The following MKLN1 variants were observed in gnomAD, a reference collection of about 807,000 sequenced individuals.
The protein encoded by MKLN1 is muskelin 1, also known as muskelin.
Under a neutral mutation model 99.0 loss-of-function variants are expected in MKLN1, and 18 were observed. The ratio of observed to expected loss-of-function variants is 0.18; its 90% CI spans 0.13 to 0.27. The LOEUF (loss-of-function observed/expected upper bound fraction) is 0.27. Ranked by LOEUF, MKLN1 falls within the 10% of genes least tolerant of loss-of-function variation. The probability of loss-of-function intolerance (pLI) is 1.00; values close to 1 mark genes in which losing one functional copy is unlikely to be tolerated. For missense variants in MKLN1, 621 were observed against 875.9 expected, an observed-to-expected ratio of 0.71 and a Z score of 3.67; for synonymous variants, 288 against 293.2, an observed-to-expected ratio of 0.98 and a Z score of 0.18.
rs1233098312 is a variant in MKLN1, at chr7:131,490,036, G to A, written c.*2308G>A. On this transcript the variant is annotated 3_prime_UTR_variant, in exon 18 of 18. Coordinates refer to ENST00000352689, the MANE Select transcript of MKLN1 (RefSeq NM_013255.5). ...AATCGGAGCACTGCTGGAAATGATT[G>A]CAGAGAATGTAGTGCTTCATATATC... is the stretch of plus-strand genomic sequence containing the variant. 1 of 152,564 alleles carries A rather than the reference G, an allele frequency of 6.6e-6. No homozygotes were observed. The highest frequency in any genetic ancestry group is 2.4e-5 in the African/African-American group (1 of 41,434). The allele number at this position is 152,564 out of a possible 1,614,324, so 9.5% of individuals were successfully genotyped here. A position where few individuals can be genotyped will look rare whatever the true frequency, so the allele number is the denominator to read the frequency against.
chr7:131,127,726 C>T (rs1039516751), intron 1 of MKLN1, among the ~76,000 whole-genome samples: 1 of 152,182 alleles, frequency 6.6e-6, no homozygotes, highest in African/African-American at 2.4e-5. Flanking sequence ...CCTACCTCTT[C>T]TGAATCAATT....
chr7:131,481,289 A>G (rs1365805885), intron 17 of MKLN1, among the ~76,000 whole-genome samples: 1 of 152,188 alleles, frequency 6.6e-6, no homozygotes, highest in East Asian at 1.9e-4. Context: ...AATGGAGGTA[A>G]TGGGAATACT....
At chr7:131,289,765 A>G (rs1798190050) in intron 3 of MKLN1, among the ~76,000 whole-genome samples, 1 of 152,204 alleles carries the variant, frequency 6.6e-6, no homozygotes, top group Non-Finnish European at 1.5e-5. Context: ...AATATCTTTC[A>G]TGTGCTTCAA....
chr7:131,415,173 T>A (rs1584717264), intron 8 of MKLN1, among the ~76,000 whole-genome samples: 1 of 151,894 alleles, frequency 6.6e-6, no homozygotes, highest in African/African-American at 2.4e-5. Flanking sequence ...AAACTTTTTT[T>A]TAAGTTTCTA....
intron 1 of MKLN1, among the ~76,000 whole-genome samples, chr7:131,362,105 TTTTTA>T (rs1406048396): frequency 6.6e-6 from 1 of 152,086 alleles, no homozygotes; most frequent in Non-Finnish European, 1.5e-5. Flanking sequence ...TTCTTAAAAT[TTTTTA>T]TTTTATTTTG....
intron 3 of MKLN1, among the ~76,000 whole-genome samples, chr7:131,283,937 T>C (rs1456531744): frequency 3.3e-5 from 5 of 152,268 alleles, no homozygotes; most frequent in Non-Finnish European, 7.3e-5. Flanking sequence ...GTGGTACTTG[T>C]AGAGCTAATC....
At chr7:131,369,178 C>G (rs1295549409) in intron 1 of MKLN1, among the ~76,000 whole-genome samples, 1 of 152,062 alleles carries the variant, frequency 6.6e-6, no homozygotes, top group East Asian at 1.9e-4. Context: ...CTTGCTACTT[C>G]AAAAAATGCG....
intron 2 of MKLN1, among the ~76,000 whole-genome samples, chr7:131,170,166 C>T (rs145072242): frequency 4.3e-4 from 65 of 152,264 alleles, no homozygotes; most frequent in African/African-American, 1.4e-3. Context: ...CATGATCACC[C>T]TCATCATAGC....
rs967228609 is a variant in MKLN1 at position 131,491,584 on chromosome 7, G to A, written c.*3856G>A. ...TCCAAAGCTTCTAGTCTAGAGGTCT[G>A]TTGGTTGAAGGCAGACATTTCCAAG... On this transcript the variant is annotated 3_prime_UTR_variant, in exon 18 of 18. Coordinates refer to ENST00000352689, the MANE Select transcript of MKLN1 (RefSeq NM_013255.5). The A allele has an allele frequency of 1.3e-5, 2 of 152,184 alleles. No individual in the cohort carries two copies. Among genetic ancestry groups the A allele is most frequent in the African/African-American group, 4.8e-5 (2 of 41,454 alleles). The allele number at this position is 152,184 out of a possible 1,614,324, so 9.4% of individuals were successfully genotyped here. A position where few individuals can be genotyped will look rare whatever the true frequency, so the allele number is the denominator to read the frequency against.
intron 2 of MKLN1, among the ~76,000 whole-genome samples, chr7:131,154,029 G>A (rs1795929631): frequency 6.6e-6 from 1 of 152,038 alleles, no homozygotes; most frequent in South Asian, 2.1e-4. Context: ...AAAAATGGGG[G>A]GAGGAATGTG....
At chr7:131,314,882 C>T (rs1158126587) in intron 3 of MKLN1, among the ~76,000 whole-genome samples, 5 of 152,024 alleles carry the variant, frequency 3.3e-5, no homozygotes, top group African/African-American at 4.8e-5. Flanking sequence ...AAATGATCCT[C>T]GACCTCAGCT....
At chr7:131,134,994 A>G (rs184561777) in intron 1 of MKLN1, among the ~76,000 whole-genome samples, 2 of 152,276 alleles carry the variant, frequency 1.3e-5, no homozygotes, top group East Asian at 3.9e-4. Flanking sequence ...TTTTCTTGGA[A>G]CAGTTTTCCC....
chr7:131,405,149 A>G (rs944906390), intron 6 of MKLN1, among the ~76,000 whole-genome samples: 1 of 152,184 alleles, frequency 6.6e-6, no homozygotes, highest in African/African-American at 2.4e-5. Context: ...GTATTAAGGT[A>G]TACCTAATAT....
chr7:131,132,301 C>T (rs1446380157), intron 1 of MKLN1, among the ~76,000 whole-genome samples: 2 of 152,160 alleles, frequency 1.3e-5, no homozygotes, highest in Non-Finnish European at 2.9e-5. Flanking sequence ...AAGAATGTGC[C>T]TACTGGTTTC....
chr7:131,437,299 A>G (rs1039544633), intron 9 of MKLN1, among the ~76,000 whole-genome samples: 3 of 151,934 alleles, frequency 2.0e-5, no homozygotes, highest in African/African-American at 7.3e-5. Context: ...TAGAGATTTT[A>G]TTGATGTTTC....
At chr7:131,286,755 A>G (rs1798138007) in intron 3 of MKLN1, among the ~76,000 whole-genome samples, 1 of 152,228 alleles carries the variant, frequency 6.6e-6, no homozygotes, top group East Asian at 1.9e-4. Context: ...ATATTTATAT[A>G]ACAAAAGAAC....
At chr7:131,427,363 G>GGGAT (rs1225606080) in intron 8 of MKLN1, among the ~76,000 whole-genome samples, 1 of 152,168 alleles carries the variant, frequency 6.6e-6, no homozygotes, top group African/African-American at 2.4e-5. Flanking sequence ...CCTGCATGGT[G>GGGAT]GGATGTAACT....
At chr7:131,142,928 G>A in exon 2 of MKLN1, 1 of 1,305,126 alleles carries the variant, frequency 7.7e-7, no homozygotes, top group Middle Eastern at 2.1e-4. Flanking sequence ...TGAAAACATG[G>A]GGATTGGAAT....
chr7:131,121,303 G>A (rs945825529), intron 1 of MKLN1, among the ~76,000 whole-genome samples: 5 of 152,144 alleles, frequency 3.3e-5, no homozygotes, highest in Admixed American at 2.6e-4. Context: ...TTCAACATGA[G>A]ATTTGGGTGG....
Sources: allele counts gnomAD v4.1 joint callset (sites outside exome capture counted in the v4.1 genomes callset), GRCh38; gene constraint gnomAD v4.1.1; transcripts MANE v1.5; gene names NCBI Gene and HGNC (gene_info 2026-07-23, HGNC 2026-07-21).